TOP1: variants seen among roughly 807,000 people sequenced by gnomAD.
The protein encoded by TOP1 is DNA topoisomerase I.
In TOP1, 10 loss-of-function variants were observed where a neutral mutation model predicts 111.1. The ratio of observed to expected loss-of-function variants is 0.09; its 90% CI spans 0.06 to 0.15. The LOEUF (loss-of-function observed/expected upper bound fraction) is 0.15. TOP1 is among the 10% of genes least tolerant of loss of function. The probability of loss-of-function intolerance (pLI) is 1.00; values close to 1 mark genes in which losing one functional copy is unlikely to be tolerated. For synonymous variants in TOP1, 271 were observed against 302.9 expected, an observed-to-expected ratio of 0.89 and a Z score of 1.10; for missense variants, 474 against 926.7, an observed-to-expected ratio of 0.51 and a Z score of 6.34.
chr20:41,092,461 G>C lies in TOP1; in HGVS notation c.615-11G>C. On this transcript the variant is annotated splice_polypyrimidine_tract_variant and intron_variant, in intron 8 of 20. Transcript: ENST00000361337. The surrounding 1 kb of genome is among the most constrained non-coding windows in gnomAD (Gnocchi z 4.3). The stretch of plus-strand genomic sequence containing the variant: ...CGATCACTAAATGAGGCTGTGCTTT[G>C]TCTTTTAAAGGTGGGAAGAAGAGCG... 1 of 1,431,568 alleles carries C rather than the reference G, an allele frequency of 7.0e-7. No homozygotes were observed. The highest frequency in any genetic ancestry group is 9.6e-7 in the Non-Finnish European group (1 of 1,042,410). 88.7% of individuals were successfully genotyped at this position (1,431,568 alleles called of 1,614,324 possible).
rs1284442423 is a variant in TOP1 at position 41,032,801 on chromosome 20, G to A, written c.58+3346G>A. Reference sequence around the variant, plus strand: ...TTGTACTTCTGTCTGTTGGGTATGGGTTGGGATGGGCGGTAGCATAGCTGA... The same window carrying A: ...TTGTACTTCTGTCTGTTGGGTATGGATTGGGATGGGCGGTAGCATAGCTGA... On this transcript the variant is annotated intron_variant, in intron 2 of 20. Transcript: ENST00000361337. This position sits in a 1 kb window ranked among gnomAD's most constrained non-coding sequence, Gnocchi z 4.3. Among the ~76,000 whole-genome samples, 1 of 152,220 alleles carries A rather than the reference G, an allele frequency of 6.6e-6. No homozygotes were observed. The highest frequency in any genetic ancestry group is 1.5e-5 in the Non-Finnish European group (1 of 68,028).
intron 8 of TOP1, among the ~76,000 whole-genome samples, chr20:41,089,020 C>CTTTTGTTTTTTTTTTTTTTTT (rs2033883543): frequency 1.3e-5 from 1 of 77,926 alleles, no homozygotes; most frequent in Non-Finnish European, 2.2e-5. Context: ...TGCCCCAGTT[C>CTTTTGTTTTTTTTTTTTTTTT]TTTTTTTTTT....
At chr20:41,059,737 A>G (rs530308414) in intron 2 of TOP1, among the ~76,000 whole-genome samples, 1 of 152,308 alleles carries the variant, frequency 6.6e-6, no homozygotes, top group South Asian at 2.1e-4. Context: ...TTTGAAAGAC[A>G]CCATTAAGAA....
rs150010398 is a variant in TOP1 at position 41,091,844 on chromosome 20, G to A, written c.615-628G>A. Among the ~76,000 whole-genome samples, 330 of 152,200 alleles carry A rather than the reference G, an allele frequency of 2.2e-3. 1 individual carries two copies. The highest frequency in any genetic ancestry group is 6.5e-3 in the African/African-American group (270 of 41,512). ...CTCCCAAAGTGCTGGGATTACAGGC[G>A]TATATGGTGTTTATTGTATTACTCA... is the stretch of plus-strand genomic sequence containing the variant. On this transcript the variant is annotated intron_variant, in intron 8 of 20. Transcript: ENST00000361337.
chr20:41,059,151 G>T (rs1257941640), intron 2 of TOP1, among the ~76,000 whole-genome samples: 1 of 151,994 alleles, frequency 6.6e-6, no homozygotes, highest in Non-Finnish European at 1.5e-5. Context: ...GGGAACAGCA[G>T]ATACAGGGGC....
In TOP1 at chr20:41,083,655, C is replaced by T. The variant is rs1316846569; in HGVS notation, c.508-807C>T. ...AACCACCTTTCATTGCTATATAAAA[C>T]TTGTTGAATAAAGACTGAATAAGTA... On this transcript the variant is annotated intron_variant, in intron 7 of 20. Transcript: ENST00000361337. This position sits in a 1 kb window ranked among gnomAD's most constrained non-coding sequence, Gnocchi z 7.2. 6.6e-6 allele frequency among the ~76,000 whole-genome samples: 1 copy of T among 152,122 alleles called. No individual in the cohort carries two copies. The highest frequency in any genetic ancestry group is 2.4e-5 in the African/African-American group (1 of 41,430).
rs2033102258 is a variant in TOP1 at position 41,030,317 on chromosome 20, T to G, written c.58+862T>G. ...TGTACTTGTTGGAAGGAAAGATTGT[T>G]GAGCATCTCTTGTGGACCTGGTGTG... On this transcript the variant is annotated intron_variant, in intron 2 of 20. Coordinates refer to ENST00000361337, the MANE Select transcript of TOP1 (RefSeq NM_003286.4). The surrounding 1 kb of genome is among the most constrained non-coding windows in gnomAD (Gnocchi z 4.1). Among the ~76,000 whole-genome samples the G allele has an allele frequency of 6.6e-6, 1 of 152,220 alleles. No individual in the cohort carries two copies. The highest frequency in any genetic ancestry group is 1.5e-5 in the Non-Finnish European group (1 of 68,030).
chr20:41,052,994 A>C (rs2033424640), intron 2 of TOP1, among the ~76,000 whole-genome samples: 2 of 152,150 alleles, frequency 1.3e-5, no homozygotes, highest in African/African-American at 4.8e-5. Context: ...TGTCTAAACA[A>C]ACAACAAAAA....
intron 2 of TOP1, among the ~76,000 whole-genome samples, chr20:41,059,409 AAAATAAATAAATAAAT>A (rs55866021): frequency 0.08 from 11,005 of 138,050 alleles, 486 homozygotes; most frequent in Middle Eastern, 0.16. Flanking sequence ...AAACTGCTAG[AAAATAAATAAATAAAT>A]AAATAAATAA....
At chr20:41,113,728 A>T (rs549458442) in intron 14 of TOP1, among the ~76,000 whole-genome samples, 1,785 of 150,930 alleles carry the variant, frequency 0.012, 28 homozygotes, top group East Asian at 0.026. Flanking sequence ...AAAAAAAAAA[A>T]AAAATAAAAA....
chr20:41,066,832 G>A (rs940488257), intron 3 of TOP1, among the ~76,000 whole-genome samples: 2 of 152,030 alleles, frequency 1.3e-5, no homozygotes. Context: ...GGGATTACAG[G>A]CGTGAGCCAC....
chr20:41,056,663 G>A (rs142387233), intron 2 of TOP1, among the ~76,000 whole-genome samples: 13 of 152,190 alleles, frequency 8.5e-5, no homozygotes, highest in African/African-American at 1.4e-4. Flanking sequence ...AACAGTTTTC[G>A]TAGAGACAAG....
intron 13 of TOP1, among the ~76,000 whole-genome samples, chr20:41,111,498 T>A (rs1443188026): frequency 6.6e-6 from 1 of 152,178 alleles, no homozygotes; most frequent in African/African-American, 2.4e-5. Flanking sequence ...TTTTAATTTC[T>A]GAGTACTTTT....
intron 2 of TOP1, among the ~76,000 whole-genome samples, chr20:41,050,876 A>T (rs549025431): frequency 1.7e-4 from 26 of 151,774 alleles, no homozygotes; most frequent in African/African-American, 5.5e-4. Flanking sequence ...CATACTGGGT[A>T]TAGAGTGTTA....
At chr20:41,062,856 G>A (rs2033562146) in intron 3 of TOP1, among the ~76,000 whole-genome samples, 1 of 152,156 alleles carries the variant, frequency 6.6e-6, no homozygotes, top group Non-Finnish European at 1.5e-5. Context: ...CAACCAACTT[G>A]ATCTAATCGA....
At position 41,061,065 on chromosome 20, in the gene TOP1, A is replaced by T. The variant is rs1015142838; in HGVS notation, c.59-329A>T. ...ATCTGATCTTTAGAGTCAGTGTTCAATACTATCCCTTTGTTATCATTTATA... is the reference window on the plus strand; with the variant it reads ...ATCTGATCTTTAGAGTCAGTGTTCATTACTATCCCTTTGTTATCATTTATA... On this transcript the variant is annotated intron_variant, in intron 2 of 20. Coordinates refer to ENST00000361337, the MANE Select transcript of TOP1 (RefSeq NM_003286.4). The surrounding 1 kb of genome is among the most constrained non-coding windows in gnomAD (Gnocchi z 4.6). Among the ~76,000 whole-genome samples, 3 of 152,216 alleles carry T rather than the reference A, an allele frequency of 2.0e-5. No homozygotes were observed. Among genetic ancestry groups the T allele is most frequent in the Non-Finnish European group, 4.4e-5 (3 of 68,040 alleles).
At position 41,122,874 on chromosome 20, in the gene TOP1, G is replaced by T. The variant is rs2034444313; in HGVS notation, c.2196-321G>T. Among the ~76,000 whole-genome samples, 1 of 152,180 alleles carries T rather than the reference G, an allele frequency of 6.6e-6. No individual in the cohort carries two copies. The highest frequency in any genetic ancestry group is 1.5e-5 in the Non-Finnish European group (1 of 68,032). On this transcript the variant is annotated intron_variant, in intron 20 of 20. Coordinates refer to ENST00000361337, the MANE Select transcript of TOP1 (RefSeq NM_003286.4). This position sits in a 1 kb window ranked among gnomAD's most constrained non-coding sequence, Gnocchi z 5.4. ...ATATAGTATAGTGGTTAAGAACATGGAGAAAAACTGCTTGGGTTCAAATTT... is the reference window on the plus strand; with the variant it reads ...ATATAGTATAGTGGTTAAGAACATGTAGAAAAACTGCTTGGGTTCAAATTT...
Position 41,102,683 on chromosome 20 carries a change from C to T in TOP1, c.1308+1330C>T, listed in dbSNP as rs1461590729. On this transcript the variant is annotated intron_variant, in intron 13 of 20. Coordinates refer to ENST00000361337, the MANE Select transcript of TOP1 (RefSeq NM_003286.4). The surrounding 1 kb of genome is among the most constrained non-coding windows in gnomAD (Gnocchi z 4.0). The stretch of plus-strand genomic sequence containing the variant: ...TTTAGATAAGTACAAAATCAGAAAG[C>T]GAACACTTATGTTGAGCAGACTAGT... Among the ~76,000 whole-genome samples, 5 of 152,148 alleles carry T rather than the reference C, an allele frequency of 3.3e-5. No homozygotes were observed. The highest frequency in any genetic ancestry group is 2.1e-4 in the South Asian group (1 of 4,808).
chr20:41,072,215 T>A, intron 3 of TOP1: 2 of 984,832 alleles, frequency 2.0e-6, no homozygotes, highest in Non-Finnish European at 2.4e-6. Flanking sequence ...AATTGTACTT[T>A]TAAAGCCCTT....
Sources: allele counts gnomAD v4.1 joint callset (sites outside exome capture counted in the v4.1 genomes callset), GRCh38; gene constraint gnomAD v4.1.1; non-coding constraint Gnocchi (gnomAD v3.1); transcripts MANE v1.5; gene names NCBI Gene and HGNC (gene_info 2026-07-23, HGNC 2026-07-21).